AFAP1: variants seen among roughly 807,000 people sequenced by gnomAD.
AFAP1 encodes the protein actin filament-associated protein 1.
Under a neutral mutation model 93.9 loss-of-function variants are expected in AFAP1, and 75 were observed. The observed-to-expected ratio is 0.80, with a 90% CI of 0.66 to 0.97. AFAP1 has a LOEUF of 0.97. AFAP1 is among the 50% of genes least tolerant of loss of function. The probability of loss-of-function intolerance (pLI) is 0.00; values close to 1 mark genes in which losing one functional copy is unlikely to be tolerated. For missense variants in AFAP1, 1,201 were observed against 1,050.8 expected, an observed-to-expected ratio of 1.14 and a Z score of -1.98; for synonymous variants, 517 against 430.7, an observed-to-expected ratio of 1.20 and a Z score of -2.48.
intron 1 of AFAP1, among the ~76,000 whole-genome samples, chr4:7,906,977 G>A (rs1032183311): frequency 2.7e-5 from 4 of 146,486 alleles, no homozygotes; most frequent in Non-Finnish European, 6.0e-5. Flanking sequence ...ACTCCAGCCT[G>A]GGTGACAAAA....
At chr4:7,777,669 G>C (rs983263030) in intron 14 of AFAP1, 1 of 152,178 alleles carries the variant, frequency 6.6e-6, no homozygotes, top group Non-Finnish European at 1.5e-5. Context: ...AAAATCTCAG[G>C]TGCAAATCCC....
At chr4:7,766,134 C>G (rs1714535138) in intron 17 of AFAP1, among the ~76,000 whole-genome samples, 1 of 152,200 alleles carries the variant, frequency 6.6e-6, no homozygotes, top group Non-Finnish European at 1.5e-5. Context: ...AAACAAACAC[C>G]AAGCCACAAT....
chr4:7,890,098 A>G (rs1479286128), intron 1 of AFAP1, among the ~76,000 whole-genome samples: 1 of 152,090 alleles, frequency 6.6e-6, no homozygotes, highest in Non-Finnish European at 1.5e-5. Context: ...CGAGGTGGAG[A>G]AAAAAAGAAC....
At chr4:7,838,468 G>T (rs1028730186) in intron 6 of AFAP1, 56 bp downstream of exon 6, 8 of 1,528,126 alleles carry the variant, frequency 5.2e-6, no homozygotes, top group Admixed American at 2.2e-5. Context: ...AATTAAAATG[G>T]ATCTCAGAAA....
intron 4 of AFAP1, among the ~76,000 whole-genome samples, chr4:7,846,615 G>A (rs1560195892): frequency 6.6e-6 from 1 of 152,212 alleles, no homozygotes; most frequent in East Asian, 1.9e-4. Flanking sequence ...TTATAAATGG[G>A]AAAACTACCT....
chr4:7,826,536 G>A (rs946564990), intron 6 of AFAP1, among the ~76,000 whole-genome samples: 4 of 152,260 alleles, frequency 2.6e-5, no homozygotes, highest in African/African-American at 4.8e-5. Context: ...AAAGCTGGCC[G>A]GTAGGCCAAA....
intron 3 of AFAP1, among the ~76,000 whole-genome samples, chr4:7,861,177 G>A (rs915183310): frequency 2.4e-4 from 37 of 152,174 alleles, no homozygotes; most frequent in African/African-American, 8.9e-4. Flanking sequence ...AGGAGTAACA[G>A]CCAAAAAATA....
intron 12 of AFAP1, among the ~76,000 whole-genome samples, chr4:7,784,278 G>A (rs1717057260): frequency 6.6e-6 from 1 of 152,076 alleles, no homozygotes; most frequent in Non-Finnish European, 1.5e-5. Context: ...AAGCTAGGAT[G>A]GGATCCTAAA....
chr4:7,764,368 G>T (rs4689855), intron 17 of AFAP1, among the ~76,000 whole-genome samples: 104,552 of 151,298 alleles, frequency 0.69, 36,736 homozygotes, highest in Non-Finnish European at 0.77. Context: ...TAGCGAGACC[G>T]CATCATGTCT....
chr4:7,782,312 C>G (rs894799598), intron 12 of AFAP1, among the ~76,000 whole-genome samples: 1 of 152,232 alleles, frequency 6.6e-6, no homozygotes, highest in African/African-American at 2.4e-5. Flanking sequence ...CCTGCAGGCT[C>G]CTCCAAGCCC....
chr4:7,788,722 C>T (rs2148999616), intron 11 of AFAP1: 1 of 152,246 alleles, frequency 6.6e-6, no homozygotes, highest in Admixed American at 6.5e-5. Context: ...AGGGAGACAG[C>T]GCTATGTATA....
At chr4:7,816,219 T>C in intron 7 of AFAP1, 120 bp from the exon 8 acceptor site, 1 of 803,184 alleles carries the variant, frequency 1.2e-6, no homozygotes, top group Middle Eastern at 2.6e-4. Flanking sequence ...TTCATAGCAA[T>C]CCAGAAGTGG....
chr4:7,933,152 G>A (rs956836928), intron 1 of AFAP1, among the ~76,000 whole-genome samples: 13 of 151,936 alleles, frequency 8.6e-5, no homozygotes, highest in Admixed American at 2.6e-4. Context: ...TGGTAACCGC[G>A]GTGGGAGATT....
intron 17 of AFAP1, among the ~76,000 whole-genome samples, chr4:7,765,142 G>C (rs897501978): frequency 2.6e-5 from 4 of 152,152 alleles, no homozygotes; most frequent in African/African-American, 9.7e-5. Flanking sequence ...GAGGCTTAAT[G>C]ACTTGCCTTA....
intron 1 of AFAP1, among the ~76,000 whole-genome samples, chr4:7,930,155 C>T (rs746947751): frequency 1.3e-5 from 2 of 152,178 alleles, no homozygotes. Flanking sequence ...CTTACTTACT[C>T]TTATGGTTTA....
intron 9 of AFAP1, among the ~76,000 whole-genome samples, chr4:7,801,444 ACCT>A (rs1172278487): frequency 1.3e-5 from 2 of 152,088 alleles, no homozygotes; most frequent in Middle Eastern, 6.8e-3. Flanking sequence ...AAAAAAAAAA[ACCT>A]CCTCAAATAC....
chr4:7,914,300 C>G (rs929857581), intron 1 of AFAP1, among the ~76,000 whole-genome samples: 1 of 152,150 alleles, frequency 6.6e-6, no homozygotes, highest in South Asian at 2.1e-4. Flanking sequence ...GGTGATCCAC[C>G]CACCTCGGCC....
chr4:7,916,905 C>T (rs946071648), intron 1 of AFAP1, among the ~76,000 whole-genome samples: 1 of 152,174 alleles, frequency 6.6e-6, no homozygotes, highest in African/African-American at 2.4e-5. Context: ...TCAGGAACAG[C>T]TCCCGGACTG....
chr4:7,905,892 T>C (rs1719370112), intron 1 of AFAP1, among the ~76,000 whole-genome samples: 1 of 152,116 alleles, frequency 6.6e-6, no homozygotes, highest in Non-Finnish European at 1.5e-5. Flanking sequence ...GAGGCAGGCA[T>C]AAGGGGGCTC....
Sources: gnomAD v4.1 joint callset for allele counts (sites outside exome capture counted in the v4.1 genomes callset) on GRCh38, gnomAD v4.1.1 for gene constraint, MANE v1.5 for transcripts, NCBI Gene and HGNC (gene_info 2026-07-23, HGNC 2026-07-21) for gene names.